The following MAP3K5 variants were observed in gnomAD, a reference collection of about 807,000 sequenced individuals.
MAP3K5 encodes the protein ASK-1.
Under a neutral mutation model 158.7 loss-of-function variants are expected in MAP3K5, and 56 were observed. The observed-to-expected ratio is 0.35, with a 90% CI of 0.28 to 0.44. MAP3K5 has a LOEUF of 0.44. MAP3K5 is among the 20% of genes least tolerant of loss of function. MAP3K5 has a pLI of 1.00. For synonymous variants in MAP3K5, 579 were observed against 601.7 expected (o/e 0.96, Z 0.55); for missense variants, 1,294 against 1,674.8 (o/e 0.77, Z 3.97).
intron 1 of MAP3K5, among the ~76,000 whole-genome samples, chr6:136,730,162 T>TG (rs1487940733): frequency 0.013 from 1,837 of 144,992 alleles, 18 homozygotes; most frequent in African/African-American, 0.04. Context: ...TGTTTTTTTT[T>TG]TTTTGTTTTT....
chr6:136,679,896 G>T (rs542837634), intron 7 of MAP3K5, among the ~76,000 whole-genome samples: 2 of 152,188 alleles, frequency 1.3e-5, no homozygotes, highest in East Asian at 1.9e-4. Flanking sequence ...AGTTGGAAAC[G>T]ATTTAAATGT....
At chr6:136,640,084 T>C (rs763591772) in intron 12 of MAP3K5, among the ~76,000 whole-genome samples, 31 of 152,338 alleles carry the variant, frequency 2.0e-4, no homozygotes, top group African/African-American at 5.1e-4. Flanking sequence ...TCATTCATTA[T>C]AGAGATTTTA....
At chr6:136,589,236 A>T (rs985282532) in intron 23 of MAP3K5, among the ~76,000 whole-genome samples, 3 of 152,168 alleles carry the variant, frequency 2.0e-5, no homozygotes, top group African/African-American at 7.2e-5. Flanking sequence ...TCTAGCCCCA[A>T]CCTTTTTTTG....
intron 14 of MAP3K5, among the ~76,000 whole-genome samples, chr6:136,627,800 G>A (rs1777111869): frequency 6.6e-6 from 1 of 152,172 alleles, no homozygotes; most frequent in Non-Finnish European, 1.5e-5. Context: ...AAATTACCCA[G>A]CCTAAGGCAT....
chr6:136,767,164 T>TTTAGGTAAGAGGTAGA (rs1784001395), intron 1 of MAP3K5, among the ~76,000 whole-genome samples: 1 of 152,124 alleles, frequency 6.6e-6, no homozygotes, highest in Admixed American at 6.6e-5. Flanking sequence ...ATATTTAAGT[T>TTTAGGTAAGAGGTAGA]TTAGGTAAGA....
chr6:136,612,891 A>C (rs1003658528), intron 17 of MAP3K5, among the ~76,000 whole-genome samples: 14 of 152,198 alleles, frequency 9.2e-5, no homozygotes, highest in Non-Finnish European at 2.1e-4. Flanking sequence ...GTGGGAGCAC[A>C]ATCTTGTTGG....
In MAP3K5 at chr6:136,574,683, C is replaced by CTTTTTTTT. The variant is rs1223054758; in HGVS notation, c.3517+5610_3517+5617dup. Among the ~76,000 whole-genome samples the CTTTTTTTT allele has an allele frequency of 9.2e-5, 10 of 108,538 alleles. 1 individual carries two copies. The highest frequency in any genetic ancestry group is 3.0e-4 in the East Asian group (1 of 3,302). 71.2% of individuals were successfully genotyped at this position (108,538 alleles called of 152,430 possible). On this transcript the variant is annotated intron_variant, in intron 25 of 29. Transcript: ENST00000359015. ...CTCCTTTTGGAAAAAAGATTAAACA[C>CTTTTTTTT]TTTTTTTTTTTTTTTTTTTTTTTGA...
chr6:136,751,150 C>CT (rs10690202), intron 1 of MAP3K5, among the ~76,000 whole-genome samples: 4,647 of 138,524 alleles, frequency 0.034, 209 homozygotes, highest in African/African-American at 0.1. Flanking sequence ...GCTCTGGCTG[C>CT]TTTTTTTTTT....
At chr6:136,577,461 C>T (rs778411471) in intron 25 of MAP3K5, among the ~76,000 whole-genome samples, 31 of 152,214 alleles carry the variant, frequency 2.0e-4, no homozygotes, top group Non-Finnish European at 4.3e-4. Context: ...CAGTTGAAAT[C>T]AGAAACTCCT....
intron 28 of MAP3K5, among the ~76,000 whole-genome samples, chr6:136,561,124 T>G (rs761381065): frequency 1.3e-5 from 2 of 152,104 alleles, no homozygotes; most frequent in African/African-American, 2.4e-5. Flanking sequence ...ACAGAGCTTT[T>G]GCCTGCCTCG....
intron 11 of MAP3K5, among the ~76,000 whole-genome samples, chr6:136,643,015 A>G (rs1417763154): frequency 1.3e-5 from 2 of 152,232 alleles, no homozygotes; most frequent in African/African-American, 4.8e-5. Context: ...AAGATTTCCA[A>G]CTAAATAGGC....
At chr6:136,662,971 AATCATTTACTTTTTGTC>A (rs1178601886) in intron 8 of MAP3K5, among the ~76,000 whole-genome samples, 1 of 152,172 alleles carries the variant, frequency 6.6e-6, no homozygotes, top group Non-Finnish European at 1.5e-5. Flanking sequence ...AGGATTTTTT[AATCATTTACTTTTTGTC>A]ATAGTCTTAT....
chr6:136,719,603 T>C (rs1781667446), intron 2 of MAP3K5, among the ~76,000 whole-genome samples: 1 of 152,204 alleles, frequency 6.6e-6, no homozygotes. Context: ...CTACTGACTT[T>C]TTTGCATGAA....
At chr6:136,704,655 C>A (rs1389938557) in intron 3 of MAP3K5, among the ~76,000 whole-genome samples, 1 of 152,184 alleles carries the variant, frequency 6.6e-6, no homozygotes, top group Admixed American at 6.5e-5. Flanking sequence ...AAGCGATTCT[C>A]CTGCCTCAGC....
At chr6:136,627,423 C>T (rs1265568477) in intron 14 of MAP3K5, among the ~76,000 whole-genome samples, 4 of 152,212 alleles carry the variant, frequency 2.6e-5, no homozygotes, top group Non-Finnish European at 5.9e-5. Flanking sequence ...ATTTTATTGG[C>T]AGCTTGTTAC....
At chr6:136,700,927 G>A (rs997448376) in intron 3 of MAP3K5, among the ~76,000 whole-genome samples, 3 of 152,148 alleles carry the variant, frequency 2.0e-5, no homozygotes, top group Non-Finnish European at 2.9e-5. Flanking sequence ...ATGAGCATAC[G>A]GAGAATAATA....
intron 1 of MAP3K5, 123 bp downstream of exon 1, chr6:136,791,587 C>CTCCACGTTCCAGAAACTGCCCGGCG: frequency 9.4e-7 from 1 of 1,061,956 alleles, no homozygotes; most frequent in Non-Finnish European, 1.4e-6. Flanking sequence ...CAGCGGCGCT[C>CTCCACGTTCCAGAAACTGCCCGGCG]GCTGCCCCCA....
At chr6:136,744,284 T>C (rs1461068198) in intron 1 of MAP3K5, among the ~76,000 whole-genome samples, 1 of 152,056 alleles carries the variant, frequency 6.6e-6, no homozygotes, top group African/African-American at 2.4e-5. Flanking sequence ...TTATGGGCAG[T>C]CTCTGTACCT....
intron 8 of MAP3K5, among the ~76,000 whole-genome samples, chr6:136,664,172 G>A (rs193234163): frequency 6.1e-4 from 93 of 152,120 alleles, no homozygotes; most frequent in Non-Finnish European, 1.6e-4. Flanking sequence ...ATCAGCAACA[G>A]CATTAGATTC....
Sources: gnomAD v4.1 joint callset for allele counts (sites outside exome capture counted in the v4.1 genomes callset) on GRCh38, gnomAD v4.1.1 for gene constraint, MANE v1.5 for transcripts, NCBI Gene and HGNC (gene_info 2026-07-23, HGNC 2026-07-21) for gene names.